The following DMXL1 variants were observed in gnomAD, a reference collection of about 807,000 sequenced individuals.
The protein encoded by DMXL1 is dmX-like protein 1.
A neutral mutation model predicts 319.2 loss-of-function variants in DMXL1; 99 were observed. The ratio of observed to expected loss-of-function variants is 0.31; its 90% CI spans 0.26 to 0.37. DMXL1 has a LOEUF of 0.37. DMXL1 is among the 10% of genes least tolerant of loss of function. DMXL1 has a pLI of 1.00. For synonymous variants in DMXL1, 1,385 were observed against 1,235.2 expected, an observed-to-expected ratio of 1.12 and a Z score of -2.54; for missense variants, 3,745 against 3,595.6, an observed-to-expected ratio of 1.04 and a Z score of -1.06.
intron 35 of DMXL1, among the ~76,000 whole-genome samples, chr5:119,219,821 G>A (rs571579687): frequency 2.0e-5 from 3 of 152,054 alleles, no homozygotes; most frequent in South Asian, 2.1e-4. Flanking sequence ...GCCTGCTTCA[G>A]CCTCCTAAAG....
At chr5:119,105,414 A>G (rs1425740812) in intron 4 of DMXL1, among the ~76,000 whole-genome samples, 156 bp downstream of exon 4, 1 of 152,216 alleles carries the variant, frequency 6.6e-6, no homozygotes, top group Non-Finnish European at 1.5e-5. Flanking sequence ...TTATACTGAA[A>G]TGAAGACAGA....
At chr5:119,142,517 T>TAAAAAA (rs148846123) in intron 13 of DMXL1, among the ~76,000 whole-genome samples, 7 of 62,304 alleles carry the variant, frequency 1.1e-4, no homozygotes, top group East Asian at 4.2e-4. Flanking sequence ...TATTAAAAAG[T>TAAAAAA]AAAAAAAAAA....
At chr5:119,222,404 C>T (rs1436259057) in intron 37 of DMXL1, among the ~76,000 whole-genome samples, 2 of 152,104 alleles carry the variant, frequency 1.3e-5, no homozygotes, top group East Asian at 1.9e-4. Context: ...ATGACTTGCT[C>T]AGTGGTGGTT....
At chr5:119,195,873 C>G (rs1288387528) in intron 30 of DMXL1, among the ~76,000 whole-genome samples, 1 of 152,142 alleles carries the variant, frequency 6.6e-6, no homozygotes, top group Non-Finnish European at 1.5e-5. Context: ...ACTTAAACTT[C>G]TCTTTACTCT....
At chr5:119,085,795 A>T (rs930326320) in intron 1 of DMXL1, among the ~76,000 whole-genome samples, 1 of 152,144 alleles carries the variant, frequency 6.6e-6, no homozygotes, top group African/African-American at 2.4e-5. Context: ...GTTTTTCCCT[A>T]TTTAGAATGA....
chr5:119,083,788 T>A (rs1752734409), intron 1 of DMXL1, among the ~76,000 whole-genome samples: 1 of 152,194 alleles, frequency 6.6e-6, no homozygotes, highest in South Asian at 2.1e-4. Context: ...TCCGCCTGCC[T>A]TGGCCTCCCA....
chr5:119,097,953 T>C, intron 1 of DMXL1, 26 bp from the exon 2 acceptor site: 3 of 1,562,196 alleles, frequency 1.9e-6, no homozygotes, highest in African/African-American at 1.4e-5. Flanking sequence ...GACACTTTTA[T>C]CATTTTTATT....
At position 119,247,049 on chromosome 5, in the gene DMXL1, C is replaced by T. The variant is rs773774868; in HGVS notation, c.8977C>T (p.Arg2993Trp). ...LLHTFVSEHA[R>W]QSIFRNIGTG... ...CCATACTTTTGTCAGTGAACATGCT[C>T]GGCAGTCCATTTTTAGAAATATTGG... The change falls in exon 44 of 44, where the codon CGG becomes TGG. Residue 2993 changes from arginine to tryptophan, a missense_variant. Arg to Trp is a moderately radical substitution (Grantham distance 101, BLOSUM62 -3). Around this residue, in one of 4 missense-constraint regions of DMXL1, gnomAD observed 262 missense variants for 320.5 expected, o/e 0.82. Transcript: ENST00000539542. 2 of 1,614,028 alleles carry T rather than the reference C, an allele frequency of 1.2e-6. No homozygotes were observed. Among genetic ancestry groups the T allele is most frequent in the Admixed American group, 1.7e-5 (1 of 60,006 alleles).
chr5:119,149,966 G>T lies in DMXL1; in HGVS notation c.4139G>T (p.Gly1380Val). ...RLRSLTISAS[G>V]STTRDPQAFN... ...AGGTCTCTCACAATCAGTGCTAGTG[G>T]AAGCACTACCAGAGACCCCCAGGCA... is the stretch of plus-strand genomic sequence containing the variant. The change falls in exon 18 of 44, where the codon GGA becomes GTA. Residue 1380 changes from glycine to valine, a missense_variant. Gly to Val is a moderately radical substitution (Grantham distance 109, BLOSUM62 -3). Around this residue, in one of 4 missense-constraint regions of DMXL1, gnomAD observed 2,096 missense variants for 1,985.4 expected, o/e 1.06. Transcript: ENST00000539542. The T allele has an allele frequency of 6.2e-7, 1 of 1,613,770 alleles. No homozygotes were observed. Among genetic ancestry groups the T allele is most frequent in the Non-Finnish European group, 8.5e-7 (1 of 1,179,816 alleles).
chr5:119,173,200 C>T (rs1047960876), intron 25 of DMXL1, among the ~76,000 whole-genome samples: 6 of 151,914 alleles, frequency 3.9e-5, no homozygotes, highest in African/African-American at 1.2e-4. Flanking sequence ...ATTAGCCAGG[C>T]GTAGTGGCAC....
chr5:119,121,890 G>A (rs1762147162), intron 9 of DMXL1, among the ~76,000 whole-genome samples: 1 of 150,200 alleles, frequency 6.7e-6, no homozygotes, highest in African/African-American at 2.4e-5. Flanking sequence ...TCCTGGACGG[G>A]GCGGCTGGCC....
intron 2 of DMXL1, among the ~76,000 whole-genome samples, chr5:119,101,347 C>G (rs10440769): frequency 0.97 from 147,044 of 151,986 alleles, 71,170 homozygotes; most frequent in East Asian, 1. Context: ...ATCTCTCTCT[C>G]TGTTTGATTT....
chr5:119,083,908 A>G (rs2149704452), intron 1 of DMXL1, among the ~76,000 whole-genome samples: 1 of 152,280 alleles, frequency 6.6e-6, no homozygotes, highest in African/African-American at 2.4e-5. Context: ...TCCCACCAAC[A>G]CAGTACCAGG....
chr5:119,135,581 C>T lies in DMXL1; in HGVS notation c.2376+1192C>T, dbSNP rs186417453. Among the ~76,000 whole-genome samples the T allele has an allele frequency of 4.9e-4, 75 of 152,206 alleles. No individual in the cohort carries two copies. In the East Asian group the frequency reaches 0.01, roughly 20 times the overall value. ...ATCTCATCTTGAATTATACTTCCCACGTGTTGAGGGAGGGACCTGGTGGGA... is the reference window on the plus strand; with the variant it reads ...ATCTCATCTTGAATTATACTTCCCATGTGTTGAGGGAGGGACCTGGTGGGA... On this transcript the variant is annotated intron_variant, in intron 13 of 43. Transcript: ENST00000539542.
intron 1 of DMXL1, among the ~76,000 whole-genome samples, chr5:119,088,622 C>G (rs1426247617): frequency 6.6e-6 from 1 of 151,992 alleles, no homozygotes; most frequent in African/African-American, 2.4e-5. Context: ...GTGTGTTTTA[C>G]TTTGTTACTG....
rs560269764 is a variant in DMXL1, at chr5:119,206,566, C to T, written c.7864-268C>T. 6.6e-5 allele frequency: 16 copies of T among 243,602 alleles called. 1 individual carries two copies. In the South Asian group the frequency reaches 1.4e-3, roughly 21 times the overall value. 15.1% of individuals were successfully genotyped at this position (243,602 alleles called of 1,614,324 possible). A position where few individuals can be genotyped will look rare whatever the true frequency, so the allele number is the denominator to read the frequency against. ...CAATCGTGCTTTAATGTCAACATTTCGAAATTGAGTAAAAACTTCTTAGGG... is the reference window on the plus strand; with the variant it reads ...CAATCGTGCTTTAATGTCAACATTTTGAAATTGAGTAAAAACTTCTTAGGG... On this transcript the variant is annotated intron_variant, in intron 33 of 43. Transcript: ENST00000539542.
Position 119,110,192 on chromosome 5 carries a change from T to A in DMXL1, c.406T>A (p.Ser136Thr). 7 of 1,595,032 alleles carry A rather than the reference T, an allele frequency of 4.4e-6. No individual in the cohort carries two copies. The highest frequency in any genetic ancestry group is 6.0e-6 in the Non-Finnish European group (7 of 1,174,694). The change falls in exon 5 of 44, where the codon TCC (serine) becomes ACC (threonine). Residue 136 changes from serine to threonine, a missense_variant. By Grantham distance (58) the Ser-to-Thr change is moderately conservative (BLOSUM62 1). Transcript: ENST00000539542. ...TGGTTCCAGCTATTTGCAACTCTGG[T>A]CCAATACTAACTTGGAGAAGCCAAC... ...LTGSSYLQLW[S>T]NTNLEKPTED...
chr5:119,241,314 G>A (rs955300048), intron 42 of DMXL1, among the ~76,000 whole-genome samples: 4 of 151,988 alleles, frequency 2.6e-5, no homozygotes, highest in Non-Finnish European at 4.4e-5. Flanking sequence ...GGTGGATCAC[G>A]AGGTCAGGAG....
intron 39 of DMXL1, among the ~76,000 whole-genome samples, chr5:119,235,076 CTA>C (rs1787494598): frequency 6.6e-6 from 1 of 152,090 alleles, no homozygotes; most frequent in African/African-American, 2.4e-5. Context: ...CCTAAGCATG[CTA>C]TCTCTTCTAG....
Sources: allele counts gnomAD v4.1 joint callset (sites outside exome capture counted in the v4.1 genomes callset), GRCh38; gene constraint gnomAD v4.1.1; regional missense constraint gnomAD v4.1.1; transcripts MANE v1.5; gene names NCBI Gene and HGNC (gene_info 2026-07-23, HGNC 2026-07-21).